The following TBC1D7 variants were observed in gnomAD, a reference collection of about 807,000 sequenced individuals.
TBC1D7 encodes TBC domain family 7.
A neutral mutation model predicts 35.3 loss-of-function variants in TBC1D7; 33 were observed. The observed-to-expected ratio is 0.93, with a 90% CI of 0.71 to 1.25. The LOEUF (loss-of-function observed/expected upper bound fraction) is 1.25. TBC1D7 is among the 50% of genes most tolerant of loss of function. The probability of loss-of-function intolerance (pLI) is 0.00; values close to 1 mark genes in which losing one functional copy is unlikely to be tolerated. For synonymous variants in TBC1D7, 135 were observed against 129.5 expected, an observed-to-expected ratio of 1.04 and a Z score of -0.29; for missense variants, 362 against 365.3, an observed-to-expected ratio of 0.99 and a Z score of 0.07.
chr6:13,307,575 A>G (rs775569925), intron 6 of TBC1D7, 25 bp downstream of exon 6: 1 of 1,613,028 alleles, frequency 6.2e-7, no homozygotes, highest in Non-Finnish European at 8.5e-7. Flanking sequence ...CAAGCCTTCA[A>G]TATGTCTTCG....
At chr6:13,327,857 C>G (rs1784502399) in intron 1 of TBC1D7, 1 of 152,194 alleles carries the variant, frequency 6.6e-6, no homozygotes, top group Non-Finnish European at 1.5e-5. Flanking sequence ...CGTCTGTGCA[C>G]AAAAGAGTAA....
intron 3 of TBC1D7, among the ~76,000 whole-genome samples, chr6:13,323,929 C>G (rs940907214): frequency 6.6e-6 from 1 of 152,100 alleles, no homozygotes; most frequent in Non-Finnish European, 1.5e-5. Flanking sequence ...GAGTCTTTTC[C>G]CCATCTGCAA....
At chr6:13,316,206 CT>C (rs1783599077) in intron 5 of TBC1D7, among the ~76,000 whole-genome samples, 1 of 152,192 alleles carries the variant, frequency 6.6e-6, no homozygotes, top group South Asian at 2.1e-4. Flanking sequence ...AAATGAAAAC[CT>C]TAACTTACAC....
intron 6 of TBC1D7, 181 bp from the exon 7 acceptor site, chr6:13,306,708 C>T (rs1782831499): frequency 2.3e-6 from 1 of 441,410 alleles, no homozygotes; most frequent in African/African-American, 2.0e-5. Context: ...GAAATCTATT[C>T]TAGATACAAT....
At chr6:13,311,033 G>A (rs1350467115) in intron 5 of TBC1D7, among the ~76,000 whole-genome samples, 2 of 151,950 alleles carry the variant, frequency 1.3e-5, no homozygotes, top group Non-Finnish European at 2.9e-5. Flanking sequence ...ACTTCATGAG[G>A]ACAATAAACT....
intron 5 of TBC1D7, among the ~76,000 whole-genome samples, chr6:13,310,636 TCA>T (rs1783131989): frequency 1.5e-5 from 1 of 65,328 alleles, no homozygotes; most frequent in African/African-American, 6.1e-5. Flanking sequence ...AGACTCCGTC[TCA>T]AAAAAAAAAA....
At chr6:13,308,593 C>T (rs892277374) in intron 5 of TBC1D7, among the ~76,000 whole-genome samples, 1 of 152,194 alleles carries the variant, frequency 6.6e-6, no homozygotes, top group African/African-American at 2.4e-5. Context: ...TGAGAATGGG[C>T]TCTAAGAGTC....
chr6:13,306,794 A>C, intron 6 of TBC1D7: 1 of 229,106 alleles, frequency 4.4e-6, no homozygotes. Context: ...ATATTCCCTC[A>C]TGTTGTGAAC....
At chr6:13,321,261 A>C (rs1784026831) in intron 3 of TBC1D7, among the ~76,000 whole-genome samples, 166 bp from the exon 4 acceptor site, 1 of 152,190 alleles carries the variant, frequency 6.6e-6, no homozygotes. Flanking sequence ...TCTCACTATA[A>C]AACAATCTTA....
rs546122443 is a variant in TBC1D7 at position 13,310,637 on chromosome 6, C to CAAAAAA, written c.520-2898_520-2893dup. Among the ~76,000 whole-genome samples the CAAAAAA allele has an allele frequency of 1.2e-3, 88 of 72,996 alleles. 2 individuals carry two copies. Among genetic ancestry groups the CAAAAAA allele is most frequent in the African/African-American group, 3.2e-3 (56 of 17,482 alleles). 47.9% of individuals were successfully genotyped at this position (72,996 alleles called of 152,430 possible). ...TGGGTGACAGAGCGAGACTCCGTCT[C>CAAAAAA]AAAAAAAAAAAAAAAAGAATATTGT... On this transcript the variant is annotated intron_variant, in intron 5 of 7. Coordinates refer to ENST00000379300, the MANE Select transcript of TBC1D7 (RefSeq NM_016495.6).
At position 13,316,660 on chromosome 6, in the gene TBC1D7, TTTCCTC is replaced by T; in HGVS notation, c.424_429del (p.Glu142_Glu143del). The T allele has an allele frequency of 6.2e-7, 1 of 1,614,118 alleles. No individual in the cohort carries two copies. The highest frequency in any genetic ancestry group is 8.5e-7 in the Non-Finnish European group (1 of 1,180,006). On this transcript the variant is annotated inframe_deletion, in exon 5 of 8. Transcript: ENST00000379300. ...TAACAGTCGACACTATCTTCCACCA[TTTCCTC>T]CATGGCTTTAGCTATGGCAAGAAAC...
chr6:13,312,978 CTG>C (rs1783338100), intron 5 of TBC1D7, among the ~76,000 whole-genome samples: 1 of 152,024 alleles, frequency 6.6e-6, no homozygotes, highest in South Asian at 2.1e-4. Context: ...ATAGTTGTGT[CTG>C]TATTGAACAG....
chr6:13,319,088 G>T (rs1783840062), intron 4 of TBC1D7: 1 of 152,216 alleles, frequency 6.6e-6, no homozygotes, highest in African/African-American at 2.4e-5. Context: ...GGAGAAACAT[G>T]AGACAGACCC....
At chr6:13,305,570 A>C in intron 7 of TBC1D7, 1 of 234,670 alleles carries the variant, frequency 4.3e-6, no homozygotes. Flanking sequence ...GGTTATAATG[A>C]TGATTATTCA....
chr6:13,325,212 T>C (rs745758824), intron 2 of TBC1D7, 38 bp from the exon 3 acceptor site: 1 of 1,446,294 alleles, frequency 6.9e-7, no homozygotes, highest in Non-Finnish European at 9.7e-7. Context: ...AAGCTTTTCA[T>C]GCTGATCACA....
chr6:13,310,637 C>CAA lies in TBC1D7; in HGVS notation c.520-2894_520-2893dup, dbSNP rs546122443. Among the ~76,000 whole-genome samples the CAA allele has an allele frequency of 3.5e-3, 256 of 72,966 alleles. 17 individuals are homozygous for CAA. Among genetic ancestry groups the CAA allele is most frequent in the African/African-American group, 0.01 (182 of 17,474 alleles). 47.9% of individuals were successfully genotyped at this position (72,966 alleles called of 152,430 possible). ...TGGGTGACAGAGCGAGACTCCGTCT[C>CAA]AAAAAAAAAAAAAAAAGAATATTGT... On this transcript the variant is annotated intron_variant, in intron 5 of 7. Coordinates refer to ENST00000379300, the MANE Select transcript of TBC1D7 (RefSeq NM_016495.6).
chr6:13,308,159 G>C (rs10948578), intron 5 of TBC1D7, among the ~76,000 whole-genome samples: 1 of 152,192 alleles, frequency 6.6e-6, no homozygotes, highest in East Asian at 1.9e-4. Context: ...AAGGAAAAAA[G>C]GGGGAAAGAG....
At chr6:13,321,406 G>A (rs1784036402) in intron 3 of TBC1D7, among the ~76,000 whole-genome samples, 1 of 152,164 alleles carries the variant, frequency 6.6e-6, no homozygotes, top group Non-Finnish European at 1.5e-5. Context: ...CCTAACAATG[G>A]TTTAACTTAA....
rs1273734709 is a variant in TBC1D7, at chr6:13,306,469, T to G, written c.724A>C (p.Ile242Leu). ...ACTTTTATTTTAAAGGTTAATAAAA[T>G]TTCGACAGCTACAAAAACTAGGATC... is the stretch of plus-strand genomic sequence containing the variant. ...CKILVFVAVE[I>L]LLTFKIKVMA... The change falls in exon 7 of 8, where the codon ATT becomes CTT. Residue 242 changes from isoleucine (I) to leucine (L), a missense_variant. Physicochemically the swap from Ile to Leu is conservative, Grantham distance 5. Transcript: ENST00000379300. The G allele has an allele frequency of 6.2e-7, 1 of 1,609,966 alleles. No homozygotes were observed. Among genetic ancestry groups the G allele is most frequent in the Non-Finnish European group, 8.5e-7 (1 of 1,178,436 alleles).
Sources: gnomAD v4.1 joint callset for allele counts (sites outside exome capture counted in the v4.1 genomes callset) on GRCh38, gnomAD v4.1.1 for gene constraint, MANE v1.5 for transcripts, NCBI Gene and HGNC (gene_info 2026-07-23, HGNC 2026-07-21) for gene names.